Variants in PTPN13 observed in about 807,000 individuals in gnomAD.
PTPN13 encodes tyrosine-protein phosphatase non-receptor type 13.
A neutral mutation model predicts 284.0 loss-of-function variants in PTPN13; 191 were observed. That is an observed-to-expected ratio of 0.67 (90% confidence interval 0.60 to 0.76). The LOEUF is 0.76. Among genes scored for constraint, PTPN13 ranks in the 30% least tolerant of loss-of-function variants. The probability of loss-of-function intolerance (pLI) is 0.00; values close to 1 mark genes in which losing one functional copy is unlikely to be tolerated. For missense variants in PTPN13, 2,797 were observed against 2,939.9 expected (o/e 0.95, Z 1.12); for synonymous variants, 986 against 1,022.3 (o/e 0.96, Z 0.68).
At chr4:86,735,868 A>G (rs1565448180) in intron 15 of PTPN13, 122 bp downstream of exon 15, 2 of 808,918 alleles carry the variant, frequency 2.5e-6, no homozygotes, top group Non-Finnish European at 3.7e-6. Flanking sequence ...ATCTCATCTC[A>G]TTGCTGGCTA....
chr4:86,707,462 G>A (rs140531507), intron 7 of PTPN13, among the ~76,000 whole-genome samples: 1 of 152,162 alleles, frequency 6.6e-6, no homozygotes, highest in Non-Finnish European at 1.5e-5. Flanking sequence ...CTCAAGTATG[G>A]GAACCCATTC....
intron 2 of PTPN13, among the ~76,000 whole-genome samples, chr4:86,642,755 C>T (rs192360112): frequency 6.6e-6 from 1 of 152,090 alleles, no homozygotes; most frequent in Non-Finnish European, 1.5e-5. Flanking sequence ...GCGCCTGGCC[C>T]ACTTCACCTT....
At chr4:86,732,264 G>A in intron 10 of PTPN13, 136 bp from the exon 11 acceptor site, 1 of 704,942 alleles carries the variant, frequency 1.4e-6, no homozygotes, top group Non-Finnish European at 2.3e-6. Flanking sequence ...TTCAACGTTT[G>A]TTTTAGATCA....
Position 86,811,061 on chromosome 4 carries a change from T to G in PTPN13, c.7315T>G (p.Leu2439Val), listed in dbSNP as rs1338887903. The G allele has an allele frequency of 3.1e-6, 5 of 1,613,428 alleles. No individual in the cohort carries two copies. In the African/African-American group the frequency reaches 5.3e-5, roughly 17 times the overall value. The change falls in exon 47 of 48, where the codon TTG (leucine) becomes GTG (valine). Residue 2439 changes from leucine (L) to valine (V), a missense_variant. By Grantham distance (32) the Leu-to-Val change is conservative. Transcript: ENST00000411767. Reference protein sequence around the residue: ...SQDLDFDISDLVRCMRLQRHG... With the variant: ...SQDLDFDISDVVRCMRLQRHG... Reference sequence around the variant, plus strand: ...CCTCTGACAGTTTGACATCTCTGATTTGGTGCGCTGCATGAGACTACAAAG... The same window carrying G: ...CCTCTGACAGTTTGACATCTCTGATGTGGTGCGCTGCATGAGACTACAAAG...
intron 10 of PTPN13, among the ~76,000 whole-genome samples, chr4:86,727,023 G>T (rs967735662): frequency 8.0e-5 from 12 of 149,654 alleles, no homozygotes; most frequent in African/African-American, 2.9e-4. Flanking sequence ...TTAGCATGAA[G>T]GGCTGTTTAA....
rs200861747 is a variant in PTPN13, at chr4:86,772,848, T to G, written c.5239T>G (p.Ser1747Ala). Residue 1747 changes from serine (S) to alanine (A), a missense_variant, in exon 32 of 48, where the codon TCT becomes GCT. Ser to Ala is a moderately conservative substitution (Grantham distance 99). Coordinates refer to ENST00000411767, the MANE Select transcript of PTPN13 (RefSeq NM_080683.3). The part of the protein sequence containing the change: ...SYQPQSESAS[S>A]SSMDKYHIHH... ...TCAACCCCAATCAGAATCTGCTTCC[T>G]CTAGTTCGATGGATAAGTATCATAT... The G allele has an allele frequency of 1.1e-5, 17 of 1,613,440 alleles. No individual in the cohort carries two copies. In the Admixed American group the frequency reaches 1.7e-4, roughly 16 times the overall value.
chr4:86,740,848 T>C (rs1453095839), intron 15 of PTPN13, among the ~76,000 whole-genome samples: 1 of 151,540 alleles, frequency 6.6e-6, no homozygotes, highest in Non-Finnish European at 1.5e-5. Context: ...CCCTAAATCA[T>C]CTCTCTCAAG....
At chr4:86,629,477 G>A (rs891229251) in intron 1 of PTPN13, among the ~76,000 whole-genome samples, 5 of 151,884 alleles carry the variant, frequency 3.3e-5, no homozygotes, top group African/African-American at 1.2e-4. Context: ...TGGAGAAATA[G>A]GAACACTTTT....
chr4:86,646,038 G>T (rs1160070981), intron 2 of PTPN13, among the ~76,000 whole-genome samples: 3 of 152,006 alleles, frequency 2.0e-5, no homozygotes, highest in South Asian at 2.1e-4. Flanking sequence ...AAGAAAGAAA[G>T]ATGCCCTTTT....
intron 1 of PTPN13, among the ~76,000 whole-genome samples, chr4:86,602,814 G>A (rs1443289401): frequency 4.0e-5 from 6 of 151,348 alleles, no homozygotes; most frequent in Admixed American, 6.6e-5. Context: ...CTTCAGCCCC[G>A]CAAAGCACTT....
Position 86,673,270 on chromosome 4 carries a change from T to G in PTPN13, c.294+727T>G, listed in dbSNP as rs1180085266. Among the ~76,000 whole-genome samples the G allele has an allele frequency of 6.6e-5, 10 of 152,206 alleles. No homozygotes were observed. In the East Asian group the frequency reaches 1.7e-3, roughly 26 times the overall value. ...GGAGAGTGATAGTATTTTGAGAATG[T>G]ACAAGATGAGCAATTAATTTTTAGT... On this transcript the variant is annotated intron_variant, in intron 3 of 47. Coordinates refer to ENST00000411767, the MANE Select transcript of PTPN13 (RefSeq NM_080683.3).
At chr4:86,610,894 G>T (rs1159308696) in intron 1 of PTPN13, among the ~76,000 whole-genome samples, 1 of 152,116 alleles carries the variant, frequency 6.6e-6, no homozygotes, top group Non-Finnish European at 1.5e-5. Flanking sequence ...CCAGCTGTCT[G>T]TTTTGATTAA....
intron 47 of PTPN13, among the ~76,000 whole-genome samples, chr4:86,812,840 T>C (rs146096537): frequency 3.9e-5 from 6 of 152,180 alleles, no homozygotes; most frequent in Non-Finnish European, 8.8e-5. Context: ...CTGACTCACA[T>C]TTTAAAGGAC....
intron 3 of PTPN13, among the ~76,000 whole-genome samples, chr4:86,674,748 G>T (rs1435089468): frequency 1.3e-5 from 2 of 152,140 alleles, no homozygotes; most frequent in African/African-American, 4.8e-5. Flanking sequence ...GTATGTTACG[G>T]AGTAGATATG....
intron 20 of PTPN13, among the ~76,000 whole-genome samples, chr4:86,754,242 A>T (rs1383614954): frequency 6.6e-6 from 1 of 152,064 alleles, no homozygotes; most frequent in Admixed American, 6.6e-5. Flanking sequence ...TAAAGAAAAA[A>T]TTATTGAACT....
intron 39 of PTPN13, 121 bp downstream of exon 39, chr4:86,785,489 T>G: frequency 1.1e-6 from 1 of 920,484 alleles, no homozygotes. Context: ...ATGTGTAATA[T>G]TTCAGAAACA....
At chr4:86,780,500 C>A (rs1008656690) in intron 36 of PTPN13, 28 bp downstream of exon 36, 12 of 1,422,070 alleles carry the variant, frequency 8.4e-6, no homozygotes, top group Non-Finnish European at 1.2e-5. Flanking sequence ...TTACTGTACT[C>A]TCCTACGGTA....
Position 86,708,679 on chromosome 4 carries a change from A to G in PTPN13, c.1195+6878A>G, listed in dbSNP as rs1348839076. ...GGTATCATCACATTTTTTAAGACCC[A>G]GCAATTTTAAACTTAAGTGTTTCCT... On this transcript the variant is annotated intron_variant, in intron 7 of 47. Coordinates refer to ENST00000411767, the MANE Select transcript of PTPN13 (RefSeq NM_080683.3). Among the ~76,000 whole-genome samples the G allele has an allele frequency of 7.2e-5, 11 of 152,108 alleles. No homozygotes were observed. The East Asian group carries it at 1.9e-3, about 27-fold the overall frequency.
At chr4:86,663,496 A>G (rs771711723) in intron 2 of PTPN13, among the ~76,000 whole-genome samples, 4 of 152,144 alleles carry the variant, frequency 2.6e-5, no homozygotes, top group African/African-American at 7.2e-5. Flanking sequence ...TACAAAGGGC[A>G]CCTCTTGAAT....
Sources: gnomAD v4.1 joint callset for allele counts (sites outside exome capture counted in the v4.1 genomes callset) on GRCh38, gnomAD v4.1.1 for gene constraint, MANE v1.5 for transcripts, NCBI Gene and HGNC (gene_info 2026-07-23, HGNC 2026-07-21) for gene names.